Variants in PXMP2 observed in about 807,000 individuals in gnomAD.
PXMP2 encodes the protein peroxisomal membrane protein 2.
In PXMP2, 13 loss-of-function variants were observed where a neutral mutation model predicts 20.2. That is an observed-to-expected ratio of 0.64 (90% CI 0.42 to 1.02). PXMP2 has a LOEUF of 1.02. PXMP2 is among the 50% of genes least tolerant of loss of function. The pLI, the probability that PXMP2 is intolerant of heterozygous loss-of-function variation, is 0.00. For synonymous variants in PXMP2, 113 were observed against 111.2 expected, an observed-to-expected ratio of 1.02 and a Z score of -0.10; for missense variants, 284 against 251.8, an observed-to-expected ratio of 1.13 and a Z score of -0.87.
chr12:132,693,525 TGCC>T (rs2043385953), intron 2 of PXMP2, among the ~76,000 whole-genome samples: 1 of 87,644 alleles, frequency 1.1e-5, no homozygotes, highest in African/African-American at 4.0e-5. Flanking sequence ...TGAGCTCCCT[TGCC>T]AGTTAGTTAG....
At chr12:132,695,801 C>T in intron 2 of PXMP2, 83 bp from the exon 3 acceptor site, 4 of 1,433,492 alleles carry the variant, frequency 2.8e-6, no homozygotes, top group Non-Finnish European at 3.8e-6. Context: ...GGGGTTAGGA[C>T]CTGGGATTTG....
chr12:132,691,164 G>C (rs534969190), intron 2 of PXMP2, among the ~76,000 whole-genome samples: 1 of 150,672 alleles, frequency 6.6e-6, no homozygotes, highest in Non-Finnish European at 1.5e-5. Flanking sequence ...CCATTCTCCC[G>C]ACTCAGTCTC....
At chr12:132,704,436 C>T (rs1187045214) in intron 4 of PXMP2, among the ~76,000 whole-genome samples, 183 bp from the exon 5 acceptor site, 3 of 152,136 alleles carry the variant, frequency 2.0e-5, no homozygotes, top group Admixed American at 6.5e-5. Flanking sequence ...CTTCTCCACT[C>T]CTCTCTGCTA....
intron 4 of PXMP2, among the ~76,000 whole-genome samples, chr12:132,703,547 C>T (rs866589347): frequency 2.0e-5 from 3 of 152,166 alleles, no homozygotes; most frequent in East Asian, 1.9e-4. Context: ...GACAGCTGAG[C>T]GGACAGGAGA....
intron 2 of PXMP2, among the ~76,000 whole-genome samples, chr12:132,691,749 C>T (rs1388882888): frequency 6.6e-6 from 1 of 152,210 alleles, no homozygotes; most frequent in Non-Finnish European, 1.5e-5. Flanking sequence ...ACATAACCCC[C>T]TATGACTGGG....
chr12:132,700,118 C>G (rs1214620977), intron 3 of PXMP2, among the ~76,000 whole-genome samples: 1 of 151,428 alleles, frequency 6.6e-6, no homozygotes, highest in Non-Finnish European at 1.5e-5. Context: ...CTCGGCTCAC[C>G]GCAACCTCCG....
chr12:132,698,162 A>G (rs1314494567), intron 3 of PXMP2, among the ~76,000 whole-genome samples: 1 of 151,898 alleles, frequency 6.6e-6, no homozygotes, highest in Non-Finnish European at 1.5e-5. Flanking sequence ...GGTGCCCGCC[A>G]CCATGCCCGG....
chr12:132,691,106 C>T (rs531972719), intron 2 of PXMP2, among the ~76,000 whole-genome samples: 15 of 147,468 alleles, frequency 1.0e-4, no homozygotes, highest in Non-Finnish European at 1.9e-4. Flanking sequence ...GACTGGAGTG[C>T]GGTGGCGCGA....
At chr12:132,697,873 G>A (rs924740267) in intron 3 of PXMP2, among the ~76,000 whole-genome samples, 5 of 152,134 alleles carry the variant, frequency 3.3e-5, no homozygotes, top group African/African-American at 7.2e-5. Context: ...AGAATCCAAC[G>A]CATGGGAGGC....
At chr12:132,690,450 G>C in intron 2 of PXMP2, 74 bp downstream of exon 2, 1 of 1,068,392 alleles carries the variant, frequency 9.4e-7, no homozygotes, top group Non-Finnish European at 1.4e-6. Context: ...AAACCGAGTA[G>C]TTGGAGTACT....
chr12:132,701,637 C>T (rs577829125), intron 4 of PXMP2: 29 of 446,238 alleles, frequency 6.5e-5, no homozygotes, highest in African/African-American at 4.4e-4. Flanking sequence ...CTCTTCTGTT[C>T]GTTCAGCAAA....
rs750300535 is a variant in PXMP2, at chr12:132,704,799, T to C, written c.*112T>C. Reference sequence around the variant, plus strand: ...ATGTCACTGACTCTAAATCAGGTGATTCAAGATGCCCAAAAATGATGGATA... The same window carrying C: ...ATGTCACTGACTCTAAATCAGGTGACTCAAGATGCCCAAAAATGATGGATA... On this transcript the variant is annotated 3_prime_UTR_variant, in exon 5 of 5. Coordinates refer to ENST00000317479, the MANE Select transcript of PXMP2 (RefSeq NM_018663.3). 12 of 1,023,098 alleles carry C rather than the reference T, an allele frequency of 1.2e-5. No individual in the cohort carries two copies. The allele number at this position is 1,023,098 out of a possible 1,614,324, so 63.4% of individuals were successfully genotyped here.
chr12:132,704,489 T>C (rs766836193), intron 4 of PXMP2, 130 bp from the exon 5 acceptor site: 8 of 608,732 alleles, frequency 1.3e-5, no homozygotes, highest in Non-Finnish European at 2.1e-5. Flanking sequence ...GCTCAGTAAA[T>C]GCAGTAATGG....
Position 132,697,556 on chromosome 12 carries a change from C to T in PXMP2, c.399+1510C>T, listed in dbSNP as rs558144460. 8.6e-5 allele frequency among the ~76,000 whole-genome samples: 13 copies of T among 151,890 alleles called. No individual in the cohort carries two copies. In the South Asian group the frequency reaches 1.9e-3, roughly 22 times the overall value. ...CTGAGTAGCTGGGATTACAGGAGCC[C>T]GCTACCACACCCAGCTTATTTTTGT... On this transcript the variant is annotated intron_variant, in intron 3 of 4. Transcript: ENST00000317479.
chr12:132,702,930 G>T (rs1291048135), intron 4 of PXMP2, among the ~76,000 whole-genome samples: 1 of 152,192 alleles, frequency 6.6e-6, no homozygotes, highest in Admixed American at 6.5e-5. Flanking sequence ...CCAAGAAGCA[G>T]CAGGAAACCA....
rs1234224212 is a variant in PXMP2 at position 132,690,158 on chromosome 12, G to C, written c.123-105G>C. 10 of 812,744 alleles carry C rather than the reference G, an allele frequency of 1.2e-5. No homozygotes were observed. In the Admixed American group the frequency reaches 1.7e-4, roughly 14 times the overall value. The allele number at this position is 812,744 out of a possible 1,614,324, so 50.3% of individuals were successfully genotyped here. On this transcript the variant is annotated intron_variant, in intron 1 of 4. Transcript: ENST00000317479. ...GCTTTAACAAGAATTCCTACCCCCC[G>C]CCCATCTGCTGCATGGCCTCAGAAC...
intron 1 of PXMP2, chr12:132,688,049 A>G: frequency 4.5e-6 from 1 of 222,066 alleles, no homozygotes; most frequent in Non-Finnish European, 8.1e-6. Flanking sequence ...GTCGGCGCTG[A>G]GGTTCCACCC....
At chr12:132,704,360 G>A (rs2043458885) in intron 4 of PXMP2, among the ~76,000 whole-genome samples, 1 of 152,200 alleles carries the variant, frequency 6.6e-6, no homozygotes, top group African/African-American at 2.4e-5. Flanking sequence ...CAAAAGGAGA[G>A]TGACTTGGCT....
rs527310051 is a variant in PXMP2, at chr12:132,700,216, A to G, written c.400-1034A>G. ...GCCACCATGCCCAACTAATTTTTGT[A>G]TTTTTTTTTTTTGGTAGAGACAGGG... On this transcript the variant is annotated intron_variant, in intron 3 of 4. Coordinates refer to ENST00000317479, the MANE Select transcript of PXMP2 (RefSeq NM_018663.3). Among the ~76,000 whole-genome samples, 759 of 141,914 alleles carry G rather than the reference A, an allele frequency of 5.3e-3. 8 individuals carry two copies. The highest frequency in any genetic ancestry group is 0.017 in the African/African-American group (659 of 38,856). The allele number at this position is 141,914 out of a possible 152,430, so 93.1% of individuals were successfully genotyped here. A position where few individuals can be genotyped will look rare whatever the true frequency, so the allele number is the denominator to read the frequency against.
Sources: allele counts gnomAD v4.1 joint callset (sites outside exome capture counted in the v4.1 genomes callset), GRCh38; gene constraint gnomAD v4.1.1; transcripts MANE v1.5; gene names NCBI Gene and HGNC (gene_info 2026-07-23, HGNC 2026-07-21).